The following ANKS1A variants were observed in gnomAD, a reference collection of about 807,000 sequenced individuals.
ANKS1A encodes the protein ankyrin repeat and SAM domain-containing protein 1A.
Under a neutral mutation model 120.3 loss-of-function variants are expected in ANKS1A, and 55 were observed. That is an observed-to-expected ratio of 0.46 (90% confidence interval 0.37 to 0.57). The LOEUF (loss-of-function observed/expected upper bound fraction) is 0.57. Among genes scored for constraint, ANKS1A ranks in the 20% least tolerant of loss-of-function variants. The pLI is 0.00. For missense variants in ANKS1A, 1,123 were observed against 1,480.3 expected (o/e 0.76, Z 3.96); for synonymous variants, 590 against 604.7 (o/e 0.98, Z 0.36).
intron 1 of ANKS1A, among the ~76,000 whole-genome samples, chr6:34,900,948 A>ACTTC (rs1165461764): frequency 2.0e-5 from 3 of 152,044 alleles, no homozygotes; most frequent in African/African-American, 7.2e-5. Flanking sequence ...AATGTGGGGG[A>ACTTC]CTTCCCTATA....
In ANKS1A at chr6:35,032,640, G is replaced by A. The variant is rs187109123; in HGVS notation, c.2010+14581G>A. The stretch of plus-strand genomic sequence containing the variant: ...GTGTGGATTGCTAAAGACTTGCTGC[G>A]CTTGGGCATAGATAGGTATCTGTTT... On this transcript the variant is annotated intron_variant, in intron 11 of 23. Coordinates refer to ENST00000360359, the MANE Select transcript of ANKS1A (RefSeq NM_015245.3). Among the ~76,000 whole-genome samples, 369 of 152,276 alleles carry A rather than the reference G, an allele frequency of 2.4e-3. 2 individuals carry two copies. The highest frequency in any genetic ancestry group is 8.3e-3 in the African/African-American group (344 of 41,560).
downstream of ANKS1A, among the ~76,000 whole-genome samples, chr6:35,094,659 C>T (rs1279383649): frequency 6.6e-6 from 1 of 151,988 alleles, no homozygotes; most frequent in Non-Finnish European, 1.5e-5. Flanking sequence ...AGTGGATGGG[C>T]TTAAGAGTGG....
chr6:35,091,608 G>A (rs1778307916), downstream of ANKS1A, among the ~76,000 whole-genome samples: 2 of 152,336 alleles, frequency 1.3e-5, no homozygotes, highest in South Asian at 4.2e-4. Flanking sequence ...TGAGGCGCAA[G>A]GGCCCCAGGA....
At position 35,089,578 on chromosome 6, in the gene ANKS1A, C is replaced by G. The variant is rs1054391960; in HGVS notation, c.*969C>G. On this transcript the variant is annotated 3_prime_UTR_variant, in exon 24 of 24. Coordinates refer to ENST00000360359, the MANE Select transcript of ANKS1A (RefSeq NM_015245.3). ...GGCTCATTTTGATTCTCTGAATTATCGGTTTGACGGTTACACTTGGCTGCT... is the reference window on the plus strand; with the variant it reads ...GGCTCATTTTGATTCTCTGAATTATGGGTTTGACGGTTACACTTGGCTGCT... 2 of 986,216 alleles carry G rather than the reference C, an allele frequency of 2.0e-6. No individual in the cohort carries two copies. The highest frequency in any genetic ancestry group is 2.4e-6 in the Non-Finnish European group (2 of 830,350). The allele number at this position is 986,216 out of a possible 1,614,324, so 61.1% of individuals were successfully genotyped here.
chr6:35,005,085 C>CTGTACA (rs1200511899), intron 10 of ANKS1A, among the ~76,000 whole-genome samples: 2 of 152,166 alleles, frequency 1.3e-5, no homozygotes, highest in African/African-American at 4.8e-5. Context: ...TGTGGACATT[C>CTGTACA]TGTACATGTG....
intron 8 of ANKS1A, among the ~76,000 whole-genome samples, chr6:34,987,671 T>TA (rs1419076752): frequency 6.6e-6 from 1 of 152,236 alleles, no homozygotes; most frequent in East Asian, 1.9e-4. Context: ...ATGACCGACT[T>TA]ATCAAGATAG....
intron 3 of ANKS1A, among the ~76,000 whole-genome samples, chr6:34,981,331 T>G (rs949216047): frequency 6.6e-6 from 1 of 152,232 alleles, no homozygotes. Context: ...AAGTTTAAAC[T>G]GAAATAATAG....
In ANKS1A at chr6:35,084,066, G is replaced by A; in HGVS notation, c.2995-55G>A. 5 of 1,605,200 alleles carry A rather than the reference G, an allele frequency of 3.1e-6. No individual in the cohort carries two copies. Among genetic ancestry groups the A allele is most frequent in the Non-Finnish European group, 3.4e-6 (4 of 1,174,512 alleles). The stretch of plus-strand genomic sequence containing the variant: ...ACAATGGTAACAGGCTGGGGCAGGG[G>A]GTGCCAGAGGCATGCCTGAGCCTGA... On this transcript the variant is annotated intron_variant, in intron 20 of 23. Coordinates refer to ENST00000360359, the MANE Select transcript of ANKS1A (RefSeq NM_015245.3). This position sits in a 1 kb window ranked among gnomAD's most constrained non-coding sequence, Gnocchi z 4.8.
chr6:35,035,376 T>A (rs62402708), intron 11 of ANKS1A, among the ~76,000 whole-genome samples: 26,211 of 152,236 alleles, frequency 0.17, 2,519 homozygotes, highest in Non-Finnish European at 0.22. Context: ...TTTACCTGTT[T>A]TATGTCTTAG....
At chr6:34,934,672 T>G (rs1769160226) in intron 1 of ANKS1A, among the ~76,000 whole-genome samples, 1 of 152,258 alleles carries the variant, frequency 6.6e-6, no homozygotes, top group Admixed American at 6.5e-5. Flanking sequence ...TGCTTCATAG[T>G]AAGTGTTGGA....
At chr6:34,909,771 A>C (rs1767819628) in intron 1 of ANKS1A, among the ~76,000 whole-genome samples, 1 of 152,212 alleles carries the variant, frequency 6.6e-6, no homozygotes, top group Non-Finnish European at 1.5e-5. Context: ...TCCTCCCCGA[A>C]GGGATGAGGT....
In ANKS1A at chr6:34,981,908, T is replaced by A; in HGVS notation, c.654T>A (p.Pro218=). Residue 218 remains proline, a synonymous_variant, in exon 4 of 24, where the codon CCT becomes CCA. Coordinates refer to ENST00000360359, the MANE Select transcript of ANKS1A (RefSeq NM_015245.3). The part of the protein sequence containing the change: ...LLSCNTKKHT[P]LHLAARNGHK... Reference sequence around the variant, plus strand: ...GCTGCAACACTAAGAAGCACACCCCTCTGCACTTGGCAGCAAGGAATGGCC... The same window carrying A: ...GCTGCAACACTAAGAAGCACACCCCACTGCACTTGGCAGCAAGGAATGGCC... The A allele has an allele frequency of 1.2e-6, 2 of 1,614,142 alleles. No homozygotes were observed. The highest frequency in any genetic ancestry group is 1.7e-6 in the Non-Finnish European group (2 of 1,180,016).
At chr6:34,967,650 A>C (rs1397527175) in intron 2 of ANKS1A, among the ~76,000 whole-genome samples, 2 of 152,064 alleles carry the variant, frequency 1.3e-5, no homozygotes, top group East Asian at 3.9e-4. Context: ...GAGAGCTATG[A>C]TTGTGCCATT....
intron 10 of ANKS1A, among the ~76,000 whole-genome samples, chr6:35,012,529 C>G (rs976980261): frequency 2.0e-5 from 3 of 152,216 alleles, no homozygotes; most frequent in Admixed American, 6.5e-5. Context: ...GTCCCCCAGC[C>G]TTCTTCTCTG....
intron 10 of ANKS1A, among the ~76,000 whole-genome samples, chr6:34,995,936 G>T (rs1400672884): frequency 6.6e-6 from 1 of 151,974 alleles, no homozygotes; most frequent in Non-Finnish European, 1.5e-5. Context: ...GGGATTGCTG[G>T]GTATCCCAGC....
intron 1 of ANKS1A, among the ~76,000 whole-genome samples, chr6:34,948,916 C>T (rs1036772079): frequency 4.6e-5 from 7 of 152,222 alleles, no homozygotes; most frequent in South Asian, 2.1e-4. Flanking sequence ...GGATTCATCC[C>T]GGGCATGGTG....
At chr6:35,020,073 G>T (rs1400790582) in intron 11 of ANKS1A, among the ~76,000 whole-genome samples, 1 of 152,148 alleles carries the variant, frequency 6.6e-6, no homozygotes, top group African/African-American at 2.4e-5. Context: ...CTGACTGTGT[G>T]TAAGGGCAGA....
In ANKS1A at chr6:35,081,028, T is replaced by C; in HGVS notation, c.2579T>C (p.Leu860Pro). The change falls in exon 17 of 24, where the codon CTG becomes CCG. Residue 860 changes from leucine to proline, a missense_variant. By Grantham distance (98) the Leu-to-Pro change is moderately conservative. Around this residue, in one of 3 missense-constraint regions of ANKS1A, gnomAD observed 904 missense variants for 1,130.4 expected, o/e 0.80. Coordinates refer to ENST00000360359, the MANE Select transcript of ANKS1A (RefSeq NM_015245.3). ...TTGCTCTCCCAGACGTCATCCCCAC[T>C]GAGTCAGAATGATTCCTGCACTGGG... ...QDLLSQTSSP[L>P]SQNDSCTGRS... 1 of 1,614,008 alleles carries C rather than the reference T, an allele frequency of 6.2e-7. No individual in the cohort carries two copies. Among genetic ancestry groups the C allele is most frequent in the Non-Finnish European group, 8.5e-7 (1 of 1,179,930 alleles).
At chr6:34,984,726 A>C (rs1034956984) in intron 7 of ANKS1A, among the ~76,000 whole-genome samples, 1 of 152,304 alleles carries the variant, frequency 6.6e-6, no homozygotes, top group African/African-American at 2.4e-5. Flanking sequence ...CTCTTATTAA[A>C]GAATGTAAAG....
Sources: allele counts gnomAD v4.1 joint callset (sites outside exome capture counted in the v4.1 genomes callset), GRCh38; gene constraint gnomAD v4.1.1; regional missense constraint gnomAD v4.1.1; non-coding constraint Gnocchi (gnomAD v3.1); transcripts MANE v1.5; gene names NCBI Gene and HGNC (gene_info 2026-07-23, HGNC 2026-07-21).